The following FAM90A20 variants were observed in gnomAD, a reference collection of about 807,000 sequenced individuals.
The protein encoded by FAM90A20 is protein FAM90A20.
the FAM90A20 span, chr8:7,297,031 C>G: frequency 2.1e-6 from 3 of 1,461,340 alleles, no homozygotes; most frequent in Non-Finnish European, 1.8e-6. Context: ...TGCTGAGGAA[C>G]TTCTAACCTG....
chr8:7,296,078 G>C, the FAM90A20 span, among the ~76,000 whole-genome samples: 2 of 130,732 alleles, frequency 1.5e-5, 1 homozygote, highest in East Asian at 4.1e-4. Flanking sequence ...AAAAGCAATG[G>C]AATCCAAATC....
chr8:7,295,766 C>T, the FAM90A20 span: 32 of 1,309,102 alleles, frequency 2.4e-5, 4 homozygotes, highest in South Asian at 1.2e-5. Context: ...ACCATGGAAG[C>T]CTGGGGTTGA....
the FAM90A20 span, chr8:7,297,623 C>A: frequency 2.8e-6 from 4 of 1,417,128 alleles, 1 homozygote; most frequent in Middle Eastern, 2.4e-4. Context: ...GGAGAATCTC[C>A]AACCTCCACC....
the FAM90A20 span, among the ~76,000 whole-genome samples, chr8:7,296,681 A>C: frequency 7.4e-6 from 1 of 135,682 alleles, no homozygotes; most frequent in African/African-American, 3.5e-5. Flanking sequence ...AACGTGGAGA[A>C]GGCTAAACCC....
At chr8:7,297,725 C>A in the FAM90A20 span, 2,702 of 1,492,770 alleles carry the variant, frequency 1.8e-3, 356 homozygotes, top group African/African-American at 8.5e-3. Flanking sequence ...GCCTCCGCAC[C>A]GCAGACCTTG....
the FAM90A20 span, chr8:7,297,610 C>T: frequency 1.4e-6 from 2 of 1,444,192 alleles, no homozygotes; most frequent in South Asian, 1.1e-5. Context: ...AGCTGGGGGC[C>T]CCGGAGAATC....
the FAM90A20 span, chr8:7,295,753 G>T: frequency 1.6e-6 from 2 of 1,251,514 alleles, no homozygotes; most frequent in Non-Finnish European, 1.1e-6. Context: ...AGGAAAACCT[G>T]AAACCATGGA....
At chr8:7,297,503 A>T in the FAM90A20 span, 2 of 1,514,320 alleles carry the variant, frequency 1.3e-6, no homozygotes, top group South Asian at 2.2e-5. Context: ...AGGAGCCAAG[A>T]GACCTGCCCA....
chr8:7,296,102 G>C, the FAM90A20 span, among the ~76,000 whole-genome samples: 42 of 130,800 alleles, frequency 3.2e-4, 6 homozygotes, highest in Middle Eastern at 0.011. Context: ...GTCCTTAGTT[G>C]GGAAGCCTAG....
At chr8:7,297,135 C>T in the FAM90A20 span, 2 of 1,521,480 alleles carry the variant, frequency 1.3e-6, no homozygotes, top group South Asian at 1.1e-5. Flanking sequence ...TCTGGTCGCT[C>T]AGCTACCGAA....
At chr8:7,295,898 C>G in the FAM90A20 span, 1 of 617,400 alleles carries the variant, frequency 1.6e-6, no homozygotes, top group East Asian at 2.7e-5. Flanking sequence ...GTCTCTGCAC[C>G]TGCACACCGT....
the FAM90A20 span, chr8:7,295,512 G>C: frequency 3.6e-6 from 2 of 559,736 alleles, no homozygotes; most frequent in South Asian, 1.8e-5. Context: ...CCCCATGCCG[G>C]TGTCCCCTCT....
chr8:7,296,848 C>A, the FAM90A20 span, among the ~76,000 whole-genome samples: 1 of 136,718 alleles, frequency 7.3e-6, no homozygotes, highest in African/African-American at 3.5e-5. Context: ...CAATGGTGTG[C>A]TTAGATCAGC....
chr8:7,295,772 G>T, the FAM90A20 span: 35 of 1,301,454 alleles, frequency 2.7e-5, 1 homozygote, highest in Admixed American at 8.7e-5. Flanking sequence ...GAAGCCTGGG[G>T]TTGAAGCCAA....
the FAM90A20 span, chr8:7,297,596 G>A: frequency 4.9e-5 from 72 of 1,477,914 alleles, 3 homozygotes; most frequent in Non-Finnish European, 6.3e-5. Context: ...CATCCAGGGA[G>A]GTGAGCTGGG....
the FAM90A20 span, chr8:7,297,420 C>T: frequency 6.4e-5 from 100 of 1,552,844 alleles, 9 homozygotes; most frequent in Admixed American, 3.9e-4. Context: ...AAACGTCCTG[C>T]GGTGACCTCA....
chr8:7,297,294 C>G, the FAM90A20 span: 25 of 1,341,620 alleles, frequency 1.9e-5, 2 homozygotes, highest in Admixed American at 1.2e-4. Flanking sequence ...GTCCACGAGA[C>G]TCTCCTCGTG....
At chr8:7,296,497 C>T in the FAM90A20 span, 1 of 650,530 alleles carries the variant, frequency 1.5e-6, no homozygotes, top group Non-Finnish European at 2.8e-6. Context: ...GGGAACCCCT[C>T]TTTCTTGTCT....
the FAM90A20 span, chr8:7,296,437 G>T: frequency 4.2e-6 from 3 of 716,348 alleles, no homozygotes; most frequent in Non-Finnish European, 7.7e-6. Context: ...TTATCCTCTA[G>T]GTAACCCTGG....
Sources: gnomAD v4.1 joint callset for allele counts (sites outside exome capture counted in the v4.1 genomes callset) on GRCh38, gnomAD v4.1.1 for gene constraint, MANE v1.5 for transcripts, NCBI Gene and HGNC (gene_info 2026-07-23, HGNC 2026-07-21) for gene names.